TTC6: variants seen among roughly 807,000 people sequenced by gnomAD.
TTC6 encodes tetratricopeptide repeat domain 6.
TTC6 carries 172 observed loss-of-function variants against 210.4 expected under a neutral mutation model. The ratio of observed to expected loss-of-function variants is 0.82; its 90% CI spans 0.72 to 0.93. The LOEUF (loss-of-function observed/expected upper bound fraction) is 0.93, where lower values mean the gene tolerates loss of function less well. TTC6 is among the 40% of genes least tolerant of loss of function. The pLI is 0.00. For synonymous variants in TTC6, 804 were observed against 819.6 expected (o/e 0.98, Z 0.32); for missense variants, 2,414 against 2,318.1 (o/e 1.04, Z -0.85).
intron 13 of TTC6, among the ~76,000 whole-genome samples, chr14:37,751,822 A>C (rs1432791899): frequency 4.1e-5 from 3 of 72,578 alleles, no homozygotes; most frequent in South Asian, 1.3e-3. Context: ...GAGGAAATGA[A>C]CTTTTTTTTT....
At chr14:37,815,748 T>C (rs954699298) in intron 25 of TTC6, among the ~76,000 whole-genome samples, 1 of 152,190 alleles carries the variant, frequency 6.6e-6, no homozygotes, top group Non-Finnish European at 1.5e-5. Flanking sequence ...ATCATCCTTA[T>C]ATTAGAGAGA....
intron 16 of TTC6, among the ~76,000 whole-genome samples, chr14:37,791,590 A>AT (rs982524749): frequency 4.6e-5 from 7 of 152,244 alleles, no homozygotes; most frequent in Admixed American, 3.9e-4. Flanking sequence ...TCTTTTGGAC[A>AT]TTTTTGAGCC....
intron 14 of TTC6, among the ~76,000 whole-genome samples, chr14:37,771,140 C>T (rs1016467717): frequency 6.6e-6 from 1 of 152,030 alleles, no homozygotes; most frequent in African/African-American, 2.4e-5. Flanking sequence ...CCCCCACTCT[C>T]TTCTGGCTTA....
At chr14:37,695,040 CAAAA>C (rs57506038) in intron 3 of TTC6, among the ~76,000 whole-genome samples, 4 of 57,244 alleles carry the variant, frequency 7.0e-5, no homozygotes, top group Admixed American at 4.7e-4. Flanking sequence ...GGCCCTGTCT[CAAAA>C]AAAAAAAAAA....
At chr14:37,842,335 C>T (rs1396778682) in exon 31 of TTC6, 2 of 1,434,940 alleles carry the variant, frequency 1.4e-6, no homozygotes, top group South Asian at 1.7e-5. Context: ...CAGCTGTTCT[C>T]TCTGAAACGG....
exon 20 of TTC6, chr14:37,796,819 C>T (rs867615757): frequency 6.2e-7 from 1 of 1,607,744 alleles, no homozygotes. Context: ...GCAGCAAGCC[C>T]TTATTTATTC....
At chr14:37,839,721 C>T (rs781568738) in intron 29 of TTC6, among the ~76,000 whole-genome samples, 33 of 152,004 alleles carry the variant, frequency 2.2e-4, no homozygotes, top group Admixed American at 3.9e-4. Flanking sequence ...AAGTCTTTGC[C>T]CATGCCTATG....
intron 23 of TTC6, 100 bp from the exon 26 acceptor site, chr14:37,808,633 A>T: frequency 1.6e-6 from 1 of 610,510 alleles, no homozygotes. Context: ...TGGTTAAATG[A>T]GTGTTTCAAA....
chr14:37,787,353 G>T (rs1157607192), intron 14 of TTC6, 115 bp from the exon 17 acceptor site: 1 of 784,224 alleles, frequency 1.3e-6, no homozygotes, highest in Non-Finnish European at 1.9e-6. Flanking sequence ...CTCTTGTGAA[G>T]CAAGGAGAAA....
chr14:37,657,677 A>G (rs1159681790), intron 1 of TTC6, among the ~76,000 whole-genome samples: 1 of 152,222 alleles, frequency 6.6e-6, no homozygotes, highest in Non-Finnish European at 1.5e-5. Flanking sequence ...ATAAAAAATC[A>G]AGTTAAAGTA....
exon 21 of TTC6, chr14:37,804,775 C>T (rs1333008987): frequency 6.8e-6 from 11 of 1,613,946 alleles, no homozygotes; most frequent in African/African-American, 1.3e-5. Flanking sequence ...GTCTGTATAA[C>T]TTGGGTCTTT....
intron 27 of TTC6, among the ~76,000 whole-genome samples, chr14:37,825,619 C>A (rs2096169137): frequency 6.6e-6 from 1 of 152,040 alleles, no homozygotes; most frequent in Non-Finnish European, 1.5e-5. Context: ...TGACCTTTTT[C>A]TTTCTTTTCC....
chr14:37,626,912 T>C (rs1566848301), intron 1 of TTC6, among the ~76,000 whole-genome samples: 1 of 152,194 alleles, frequency 6.6e-6, no homozygotes, highest in Non-Finnish European at 1.5e-5. Context: ...GGAGCCTGTA[T>C]TTCTAATATA....
At chr14:37,814,291 C>T (rs1595303434) in intron 25 of TTC6, among the ~76,000 whole-genome samples, 1 of 152,186 alleles carries the variant, frequency 6.6e-6, no homozygotes, top group Non-Finnish European at 1.5e-5. Flanking sequence ...AGGACCTTTA[C>T]ACAAGCGAGT....
At chr14:37,619,035 G>A (rs1256010503), upstream of TTC6, among the ~76,000 whole-genome samples, 2 of 152,240 alleles carry the variant, frequency 1.3e-5, no homozygotes, top group South Asian at 4.1e-4. Flanking sequence ...ATTGCCACCT[G>A]TGCAAACAAT....
intron 1 of TTC6, among the ~76,000 whole-genome samples, chr14:37,599,802 C>T (rs777970517): frequency 1.3e-5 from 2 of 152,340 alleles, no homozygotes; most frequent in Middle Eastern, 3.4e-3. Context: ...CTCGCGGAAA[C>T]GGGAACAAAC....
chr14:37,785,805 G>T (rs553202938), intron 14 of TTC6, among the ~76,000 whole-genome samples: 1 of 152,208 alleles, frequency 6.6e-6, no homozygotes, highest in Admixed American at 6.5e-5. Flanking sequence ...TGAGGTTTTG[G>T]TGTGGATGTC....
intron 2 of TTC6, among the ~76,000 whole-genome samples, chr14:37,610,306 G>A (rs182397866): frequency 4.6e-4 from 70 of 152,324 alleles, no homozygotes; most frequent in Admixed American, 9.8e-4. Context: ...TTCCAGCACA[G>A]ATCTCATGGA....
intron 14 of TTC6, among the ~76,000 whole-genome samples, chr14:37,773,727 C>T (rs535723209): frequency 3.0e-4 from 46 of 152,180 alleles, no homozygotes; most frequent in Admixed American, 8.5e-4. Flanking sequence ...TTAGAATTGC[C>T]TTGGCTTTTT....
Sources: allele counts gnomAD v4.1 joint callset (sites outside exome capture counted in the v4.1 genomes callset), GRCh38; gene constraint gnomAD v4.1.1; transcripts MANE v1.5; gene names NCBI Gene and HGNC (gene_info 2026-07-23, HGNC 2026-07-21).